AKT3: variants seen among roughly 807,000 people sequenced by gnomAD.
AKT3 encodes AKT serine/threonine kinase 3, also known as RAC-gamma serine/threonine-protein kinase.
AKT3 carries 15 observed loss-of-function variants against 65.3 expected under a neutral mutation model. That is an observed-to-expected ratio of 0.23 (90% CI 0.15 to 0.35). The LOEUF is 0.35. Among genes scored for constraint, AKT3 ranks in the 10% least tolerant of loss-of-function variants. The pLI is 1.00. For missense variants in AKT3, 243 were observed against 576.5 expected, an observed-to-expected ratio of 0.42 and a Z score of 5.92; for synonymous variants, 206 against 183.8, an observed-to-expected ratio of 1.12 and a Z score of -0.98.
At chr1:243,507,036 C>T (rs1020559924) in intron 13 of AKT3, among the ~76,000 whole-genome samples, 6 of 152,264 alleles carry the variant, frequency 3.9e-5, no homozygotes, top group Non-Finnish European at 7.3e-5. Context: ...GAGCCAATCA[C>T]ATTTCAAATA....
At chr1:243,843,365 T>C in intron 1 of AKT3, 83 bp from the exon 2 acceptor site, 1 of 1,270,646 alleles carries the variant, frequency 7.9e-7, no homozygotes, top group Non-Finnish European at 1.0e-6. Context: ...TCTTTGTAAA[T>C]GTCTTCAACT....
chr1:243,748,320 T>C (rs1688601413), intron 2 of AKT3, among the ~76,000 whole-genome samples: 2 of 150,054 alleles, frequency 1.3e-5, no homozygotes, highest in Non-Finnish European at 3.0e-5. Flanking sequence ...GAGGCAAAGC[T>C]ATACTGATTG....
intron 12 of AKT3, among the ~76,000 whole-genome samples, chr1:243,515,431 C>T (rs1426633886): frequency 6.7e-6 from 1 of 148,714 alleles, no homozygotes; most frequent in Admixed American, 6.7e-5. Flanking sequence ...CAGAGCGTTT[C>T]ATTTTTTGTT....
At chr1:243,674,904 G>A (rs953886592) in intron 3 of AKT3, among the ~76,000 whole-genome samples, 1 of 152,128 alleles carries the variant, frequency 6.6e-6, no homozygotes, top group Non-Finnish European at 1.5e-5. Context: ...TGAGATATGG[G>A]CTTCTAGTGA....
At chr1:243,742,059 T>TAAAAAAAAAAAAAAAAAAAAAAAAAAA (rs36056068) in intron 2 of AKT3, among the ~76,000 whole-genome samples, 1 of 125,586 alleles carries the variant, frequency 8.0e-6, no homozygotes, top group Non-Finnish European at 1.6e-5. Context: ...GATAGAAAAT[T>TAAAAAAAAAAAAAAAAAAAAAAAAAAA]AAAAAAAAAA....
chr1:243,637,208 A>C (rs1680037707), intron 6 of AKT3, among the ~76,000 whole-genome samples: 1 of 152,050 alleles, frequency 6.6e-6, no homozygotes, highest in Non-Finnish European at 1.5e-5. Flanking sequence ...TCTATTTAGG[A>C]TGTTTTTCCA....
chr1:243,690,955 A>G (rs1241912040), intron 3 of AKT3, among the ~76,000 whole-genome samples: 2 of 152,210 alleles, frequency 1.3e-5, no homozygotes, highest in Admixed American at 6.5e-5. Flanking sequence ...TATAAGATAA[A>G]TAAGACTAAG....
chr1:243,735,201 TATTATC>T (rs1294153454), intron 2 of AKT3: 24 of 152,354 alleles, frequency 1.6e-4, no homozygotes, highest in Admixed American at 1.4e-3. Flanking sequence ...CACGGTCATT[TATTATC>T]ATTATCAAGT....
At chr1:243,521,471 T>G (rs1383740327) in intron 12 of AKT3, among the ~76,000 whole-genome samples, 1 of 152,252 alleles carries the variant, frequency 6.6e-6, no homozygotes, top group Admixed American at 6.5e-5. Flanking sequence ...AAAAGAGGAT[T>G]TATTTCTAAC....
rs1669577140 is a variant in AKT3 at position 243,505,039 on chromosome 1, T to C, written c.*210A>G. 3.6e-6 allele frequency: 2 copies of C among 549,384 alleles called. No individual in the cohort carries two copies. Among genetic ancestry groups the C allele is most frequent in the South Asian group, 5.1e-5 (2 of 39,354 alleles). The allele number at this position is 549,384 out of a possible 1,614,324, so 34.0% of individuals were successfully genotyped here. On this transcript the variant is annotated 3_prime_UTR_variant, in exon 14 of 14. Transcript: ENST00000673466. ...AACAGCATGAGACCTTAGACTGAGA[T>C]ACAATTTCATGCAAAAACAAAAACT... is the stretch of plus-strand genomic sequence containing the variant.
chr1:243,505,466 C>A, intron 13 of AKT3, 132 bp from the exon 14 acceptor site: 1 of 682,544 alleles, frequency 1.5e-6, no homozygotes, highest in Non-Finnish European at 2.5e-6. Flanking sequence ...TTGTGTTCAT[C>A]AATAAGCTGT....
At chr1:243,592,984 G>A (rs531554125) in intron 8 of AKT3, among the ~76,000 whole-genome samples, 1 of 152,116 alleles carries the variant, frequency 6.6e-6, no homozygotes, top group Admixed American at 6.5e-5. Flanking sequence ...ATGTGAAATG[G>A]TATAATCTAA....
intron 8 of AKT3, 139 bp downstream of exon 8, chr1:243,613,532 T>G (rs1183375520): frequency 8.1e-6 from 4 of 493,788 alleles, no homozygotes; most frequent in African/African-American, 8.0e-5. Flanking sequence ...TTCGCTCCCA[T>G]TTGTTCAATA....
intron 2 of AKT3, among the ~76,000 whole-genome samples, chr1:243,736,269 T>C (rs1687837524): frequency 6.6e-6 from 1 of 152,206 alleles, no homozygotes; most frequent in African/African-American, 2.4e-5. Context: ...TTATTTTATA[T>C]AAACCAATTA....
intron 2 of AKT3, among the ~76,000 whole-genome samples, chr1:243,738,126 T>C (rs1391437722): frequency 2.0e-5 from 3 of 152,192 alleles, no homozygotes; most frequent in Non-Finnish European, 4.4e-5. Flanking sequence ...ATCCTAATAG[T>C]TCTACTTGGT....
chr1:243,682,482 T>C (rs1306706684), intron 3 of AKT3, among the ~76,000 whole-genome samples: 1 of 152,190 alleles, frequency 6.6e-6, no homozygotes, highest in Non-Finnish European at 1.5e-5. Flanking sequence ...ACAGCAATGT[T>C]ACTACAGAAA....
intron 2 of AKT3, among the ~76,000 whole-genome samples, chr1:243,712,668 C>T (rs1177324979): frequency 6.6e-6 from 1 of 151,924 alleles, no homozygotes; most frequent in Non-Finnish European, 1.5e-5. Flanking sequence ...TGAAATGTTA[C>T]AAAAATTTTT....
chr1:243,679,528 A>G (rs539416847), intron 3 of AKT3, among the ~76,000 whole-genome samples: 1 of 152,312 alleles, frequency 6.6e-6, no homozygotes, highest in East Asian at 1.9e-4. Context: ...TCTGTAAGTG[A>G]CAGATAAGTT....
intron 2 of AKT3, among the ~76,000 whole-genome samples, chr1:243,767,796 C>T (rs955797706): frequency 3.3e-5 from 5 of 152,024 alleles, no homozygotes; most frequent in Non-Finnish European, 7.4e-5. Flanking sequence ...TTATACTTGC[C>T]TCTACTTTGG....
Sources: gnomAD v4.1 joint callset for allele counts (sites outside exome capture counted in the v4.1 genomes callset) on GRCh38, gnomAD v4.1.1 for gene constraint, MANE v1.5 for transcripts, NCBI Gene and HGNC (gene_info 2026-07-23, HGNC 2026-07-21) for gene names.